Variants in GUCY1A1 observed in about 807,000 individuals in gnomAD.
GUCY1A1 encodes the protein guanylate cyclase 1 soluble subunit alpha 1, also known as guanylate cyclase soluble subunit alpha-1.
A neutral mutation model predicts 64.5 loss-of-function variants in GUCY1A1; 48 were observed. The observed-to-expected ratio is 0.74, with a 90% CI of 0.59 to 0.95. The LOEUF (loss-of-function observed/expected upper bound fraction) is 0.95. Ranked by LOEUF, GUCY1A1 falls within the 40% of genes least tolerant of loss-of-function variation. GUCY1A1 has a pLI of 0.00. For synonymous variants in GUCY1A1, 308 were observed against 303.4 expected (o/e 1.02, Z -0.16); for missense variants, 804 against 825.3 (o/e 0.97, Z 0.32).
intron 9 of GUCY1A1, among the ~76,000 whole-genome samples, chr4:155,723,022 A>G (rs13131521): frequency 0.98 from 148,590 of 152,258 alleles, 72,539 homozygotes; most frequent in East Asian, 1. Flanking sequence ...GGTTAGGCTA[A>G]CACAAAACCC....
At chr4:155,690,326 C>T (rs1446576333) in intron 2 of GUCY1A1, among the ~76,000 whole-genome samples, 1 of 152,170 alleles carries the variant, frequency 6.6e-6, no homozygotes, top group African/African-American at 2.4e-5. Context: ...AGAATTACTT[C>T]TGCAATTGAT....
chr4:155,723,199 C>T (rs1213880103), intron 9 of GUCY1A1, among the ~76,000 whole-genome samples: 1 of 152,156 alleles, frequency 6.6e-6, no homozygotes, highest in East Asian at 1.9e-4. Flanking sequence ...TCAAGGACAA[C>T]AGCCAGTCAA....
chr4:155,728,035 C>T (rs1344504614), intron 9 of GUCY1A1, among the ~76,000 whole-genome samples: 1 of 151,854 alleles, frequency 6.6e-6, no homozygotes, highest in Non-Finnish European at 1.5e-5. Context: ...TCATTTAGGT[C>T]CTGCCAGATA....
intron 8 of GUCY1A1, among the ~76,000 whole-genome samples, chr4:155,718,596 T>C (rs1733565316): frequency 6.6e-6 from 1 of 152,220 alleles, no homozygotes; most frequent in Non-Finnish European, 1.5e-5. Context: ...GGAGGATTCA[T>C]TCCAAGACTG....
intron 2 of GUCY1A1, among the ~76,000 whole-genome samples, chr4:155,683,275 A>G (rs776596401): frequency 2.7e-4 from 41 of 152,220 alleles, no homozygotes; most frequent in Non-Finnish European, 5.0e-4. Flanking sequence ...GGAAAACAAA[A>G]AAAATGGCTT....
chr4:155,681,669 T>G (rs1401552952), intron 2 of GUCY1A1, among the ~76,000 whole-genome samples: 1 of 152,194 alleles, frequency 6.6e-6, no homozygotes, highest in Non-Finnish European at 1.5e-5. Flanking sequence ...TAATTGCTGC[T>G]TCTCTGTCAT....
At chr4:155,706,187 TA>T (rs1241601791) in intron 4 of GUCY1A1, among the ~76,000 whole-genome samples, 3 of 152,022 alleles carry the variant, frequency 2.0e-5, no homozygotes, top group African/African-American at 4.8e-5. Flanking sequence ...TCCCTAAATA[TA>T]AAAAAAAGAA....
At chr4:155,722,479 G>T in intron 9 of GUCY1A1, 1 of 1,153,630 alleles carries the variant, frequency 8.7e-7, no homozygotes, top group African/African-American at 1.6e-5. Context: ...CTCTTAGTAT[G>T]TTGATAGGTG....
At chr4:155,691,693 A>G (rs907348552) in intron 2 of GUCY1A1, among the ~76,000 whole-genome samples, 1 of 152,204 alleles carries the variant, frequency 6.6e-6, no homozygotes, top group Non-Finnish European at 1.5e-5. Context: ...ACCAGGTATG[A>G]TGGTAGACAT....
At chr4:155,699,263 T>C (rs937529102) in intron 3 of GUCY1A1, among the ~76,000 whole-genome samples, 2 of 152,076 alleles carry the variant, frequency 1.3e-5, no homozygotes, top group African/African-American at 4.8e-5. Context: ...ACATTTTCTA[T>C]GGATGTGCAT....
intron 2 of GUCY1A1, chr4:155,667,741 C>G (rs1206000010): frequency 1.3e-5 from 2 of 151,444 alleles, no homozygotes; most frequent in Admixed American, 1.3e-4. Flanking sequence ...CGGGGCGCGC[C>G]GGGGCCGCTG....
At chr4:155,670,023 T>G (rs867254507) in intron 2 of GUCY1A1, among the ~76,000 whole-genome samples, 6 of 152,282 alleles carry the variant, frequency 3.9e-5, no homozygotes, top group Middle Eastern at 3.4e-3. Flanking sequence ...TAAAGCAACA[T>G]TTCAGTAATA....
At chr4:155,670,902 G>A (rs1048687173) in intron 2 of GUCY1A1, among the ~76,000 whole-genome samples, 1 of 152,104 alleles carries the variant, frequency 6.6e-6, no homozygotes, top group Non-Finnish European at 1.5e-5. Flanking sequence ...TCTTAGGGGG[G>A]AAGCAAATGG....
At chr4:155,686,638 T>A (rs1241883346) in intron 2 of GUCY1A1, among the ~76,000 whole-genome samples, 2 of 152,226 alleles carry the variant, frequency 1.3e-5, no homozygotes, top group Non-Finnish European at 2.9e-5. Flanking sequence ...CTATTTAAGT[T>A]TGGTTGTTAT....
chr4:155,707,368 A>G (rs1731916517), intron 4 of GUCY1A1, among the ~76,000 whole-genome samples: 1 of 152,210 alleles, frequency 6.6e-6, no homozygotes, highest in African/African-American at 2.4e-5. Flanking sequence ...ACATGTCCTC[A>G]GCAACTTAAA....
Position 155,713,510 on chromosome 4 carries a change from T to A in GUCY1A1, c.1499T>A (p.Leu500Gln). ...GCCATCTGCTCCCAGTGCTCACCGCTGCAGGTCATCACCATGCTCAATGCA... is the reference window on the plus strand; with the variant it reads ...GCCATCTGCTCCCAGTGCTCACCGCAGCAGGTCATCACCATGCTCAATGCA... Reference protein sequence around the residue: ...FTAICSQCSPLQVITMLNALY... With the variant: ...FTAICSQCSPQQVITMLNALY... Residue 500 changes from leucine (L) to glutamine (Q), a missense_variant, in exon 7 of 10, where the codon CTG becomes CAG. Transcript: ENST00000506455. The A allele has an allele frequency of 6.2e-7, 1 of 1,614,114 alleles. No individual in the cohort carries two copies. Among genetic ancestry groups the A allele is most frequent in the Non-Finnish European group, 8.5e-7 (1 of 1,179,964 alleles).
intron 2 of GUCY1A1, among the ~76,000 whole-genome samples, chr4:155,674,900 G>A (rs1010261981): frequency 6.6e-6 from 1 of 151,676 alleles, no homozygotes; most frequent in Admixed American, 6.5e-5. Flanking sequence ...ATATACCGTA[G>A]GTAATTGTAT....
intron 2 of GUCY1A1, among the ~76,000 whole-genome samples, chr4:155,687,242 T>C (rs9307932): frequency 0.1 from 15,741 of 152,222 alleles, 2,685 homozygotes; most frequent in African/African-American, 0.35. Flanking sequence ...AGGGTTGCTC[T>C]GAAGTTATCA....
intron 8 of GUCY1A1, among the ~76,000 whole-genome samples, 176 bp from the exon 9 acceptor site, chr4:155,721,862 A>C (rs147508413): frequency 3.5e-4 from 53 of 152,288 alleles, no homozygotes; most frequent in Middle Eastern, 3.4e-3. Context: ...TTGATTCTGC[A>C]CTAGTAATTT....
Sources: gnomAD v4.1 joint callset for allele counts (sites outside exome capture counted in the v4.1 genomes callset) on GRCh38, gnomAD v4.1.1 for gene constraint, MANE v1.5 for transcripts, NCBI Gene and HGNC (gene_info 2026-07-23, HGNC 2026-07-21) for gene names.